COL4A2: variants seen among roughly 807,000 people sequenced by gnomAD.
The protein encoded by COL4A2 is collagen alpha-2(IV) chain.
Under a neutral mutation model 200.2 loss-of-function variants are expected in COL4A2, and 99 were observed. The observed-to-expected ratio is 0.49, with a 90% confidence interval of 0.42 to 0.58. The LOEUF (loss-of-function observed/expected upper bound fraction) is 0.58. Ranked by LOEUF, COL4A2 falls within the 20% of genes least tolerant of loss-of-function variation. The pLI is 0.00. For missense variants in COL4A2, 1,950 were observed against 2,314.1 expected, an observed-to-expected ratio of 0.84 and a Z score of 3.23; for synonymous variants, 897 against 900.6, an observed-to-expected ratio of 1.00 and a Z score of 0.07.
At position 110,446,810 on chromosome 13, in the gene COL4A2, G is replaced by C. The variant is rs756889937; in HGVS notation, c.1024G>C (p.Asp342His). ...TTTCTTTCTCTAGGGAGAAGCCGGAGACCCAGGGCCCCCTGGACTACCTGC... is the reference window on the plus strand; with the variant it reads ...TTTCTTTCTCTAGGGAGAAGCCGGACACCCAGGGCCCCCTGGACTACCTGC... ...GPRGPKGEAG[D>H]PGPPGLPAYS... The change falls in exon 18 of 48, where the codon GAC becomes CAC. Residue 342 changes from aspartate (D) to histidine (H), a missense_variant. Physicochemically the swap from Asp to His is moderately conservative, Grantham distance 81 (BLOSUM62 -1). Coordinates refer to ENST00000360467, the MANE Select transcript of COL4A2 (RefSeq NM_001846.4). 1.2e-6 allele frequency: 2 copies of C among 1,612,250 alleles called. No homozygotes were observed. The highest frequency in any genetic ancestry group is 1.7e-5 in the Admixed American group (1 of 59,984).
intron 40 of COL4A2, among the ~76,000 whole-genome samples, chr13:110,498,477 A>AG (rs954727325): frequency 1.3e-5 from 2 of 152,108 alleles, no homozygotes; most frequent in African/African-American, 2.4e-5. Flanking sequence ...TGGCCCATAG[A>AG]GGGGGGTCAC....
intron 3 of COL4A2, among the ~76,000 whole-genome samples, chr13:110,356,603 A>C (rs1877277357): frequency 6.6e-6 from 1 of 152,088 alleles, no homozygotes; most frequent in Non-Finnish European, 1.5e-5. Context: ...CATGCTCCAC[A>C]TGTCCAGGCA....
At chr13:110,361,554 C>T (rs775012024) in intron 4 of COL4A2, among the ~76,000 whole-genome samples, 5 of 152,186 alleles carry the variant, frequency 3.3e-5, no homozygotes, top group Non-Finnish European at 7.3e-5. Context: ...CAGCCAACAT[C>T]GGAAGTTGTA....
chr13:110,509,119 T>C (rs996437730), intron 47 of COL4A2, among the ~76,000 whole-genome samples: 2 of 151,712 alleles, frequency 1.3e-5, no homozygotes, highest in African/African-American at 4.8e-5. Flanking sequence ...CTGTATACTA[T>C]TGTAGGGAGA....
At chr13:110,426,125 C>T (rs1880463501) in intron 6 of COL4A2, among the ~76,000 whole-genome samples, 1 of 152,182 alleles carries the variant, frequency 6.6e-6, no homozygotes, top group African/African-American at 2.4e-5. Context: ...AAAGATTAAA[C>T]AAATTAGGAA....
intron 29 of COL4A2, 49 bp downstream of exon 29, chr13:110,473,199 G>A (rs1400282989): frequency 2.0e-6 from 3 of 1,519,170 alleles, no homozygotes; most frequent in Admixed American, 4.0e-5. Context: ...ATGCACAGTG[G>A]CCTCCAAGGG....
intron 12 of COL4A2, 36 bp from the exon 13 acceptor site, chr13:110,436,233 A>AT: frequency 6.2e-7 from 1 of 1,612,598 alleles, no homozygotes; most frequent in South Asian, 1.1e-5. Context: ...TTTCCTTTCG[A>AT]TTTAAAGACA....
intron 33 of COL4A2, among the ~76,000 whole-genome samples, 162 bp from the exon 34 acceptor site, chr13:110,485,493 A>G (rs934912909): frequency 1.5e-5 from 2 of 136,378 alleles, no homozygotes; most frequent in Admixed American, 1.6e-4. Flanking sequence ...ACTGCACTCC[A>G]GCCTGGGCGA....
At position 110,351,387 on chromosome 13, in the gene COL4A2, T is replaced by C. The variant is rs1876955350; in HGVS notation, c.100-6085T>C. On this transcript the variant is annotated intron_variant, in intron 3 of 47. Transcript: ENST00000360467. ...CCCGCACCCAGCCTTCTCTCCTGCT[T>C]CTTTGCTGCCTGTGGCTTTCTCTAC... Among the ~76,000 whole-genome samples the C allele has an allele frequency of 2.6e-5, 4 of 152,154 alleles. No individual in the cohort carries two copies. The South Asian group carries it at 8.3e-4, about 31-fold the overall frequency.
intron 4 of COL4A2, among the ~76,000 whole-genome samples, chr13:110,386,077 C>T (rs920251714): frequency 6.6e-6 from 1 of 152,080 alleles, no homozygotes; most frequent in African/African-American, 2.4e-5. Context: ...AGCATGGTTA[C>T]AGTGTTTAGA....
chr13:110,465,093 GT>G (rs1882182638), intron 24 of COL4A2, among the ~76,000 whole-genome samples: 1 of 152,236 alleles, frequency 6.6e-6, no homozygotes, highest in Admixed American at 6.5e-5. Flanking sequence ...ACAAAAGCCT[GT>G]GCCTTCGCTG....
intron 20 of COL4A2, among the ~76,000 whole-genome samples, chr13:110,451,108 A>G (rs1462425540): frequency 3.9e-5 from 6 of 152,240 alleles, no homozygotes; most frequent in Non-Finnish European, 5.9e-5. Context: ...TCCCTGAGTC[A>G]GCAAAGATGC....
At chr13:110,357,686 A>G in intron 4 of COL4A2, 134 bp downstream of exon 4, 1 of 1,326,396 alleles carries the variant, frequency 7.5e-7, no homozygotes. Context: ...GAGTACTCAC[A>G]CAAACCTAGA....
rs532636780 is a variant in COL4A2, at chr13:110,405,102, C to T, written c.181-19632C>T. Among the ~76,000 whole-genome samples the T allele has an allele frequency of 6.6e-5, 10 of 152,190 alleles. No individual in the cohort carries two copies. In the South Asian group the frequency reaches 2.1e-3, roughly 32 times the overall value. On this transcript the variant is annotated intron_variant, in intron 4 of 47. Transcript: ENST00000360467. ...TGCGTTCCAGCCTGGGTGACAGAGT[C>T]AGACACTGTCTCAAAATTAAACAAA... is the stretch of plus-strand genomic sequence containing the variant.
intron 3 of COL4A2, among the ~76,000 whole-genome samples, chr13:110,324,574 G>A (rs1284172901): frequency 1.3e-5 from 2 of 152,222 alleles, no homozygotes; most frequent in East Asian, 1.9e-4. Flanking sequence ...CTGCCCGAAC[G>A]GATGCACGTT....
intron 29 of COL4A2, among the ~76,000 whole-genome samples, chr13:110,474,160 A>T (rs927774712): frequency 1.3e-5 from 2 of 151,926 alleles, no homozygotes; most frequent in Non-Finnish European, 2.9e-5. Flanking sequence ...AATGTGGGTT[A>T]AAACTGTGAC....
At chr13:110,511,185 T>C (rs1013361014) in intron 47 of COL4A2, among the ~76,000 whole-genome samples, 1 of 151,488 alleles carries the variant, frequency 6.6e-6, no homozygotes, top group Non-Finnish European at 1.5e-5. Flanking sequence ...TGCCGTGCGC[T>C]TCCATAAAGG....
intron 4 of COL4A2, among the ~76,000 whole-genome samples, chr13:110,399,239 T>C (rs1329418837): frequency 6.6e-6 from 1 of 152,170 alleles, no homozygotes; most frequent in Non-Finnish European, 1.5e-5. Context: ...CTTGTCTAGA[T>C]CACCAAGGAG....
intron 3 of COL4A2, among the ~76,000 whole-genome samples, chr13:110,325,539 G>T (rs1885383998): frequency 6.6e-6 from 1 of 151,950 alleles, no homozygotes; most frequent in Non-Finnish European, 1.5e-5. Flanking sequence ...AAATCGTATT[G>T]GAAGATCAGT....
Sources: gnomAD v4.1 joint callset for allele counts (sites outside exome capture counted in the v4.1 genomes callset) on GRCh38, gnomAD v4.1.1 for gene constraint, MANE v1.5 for transcripts, NCBI Gene and HGNC (gene_info 2026-07-23, HGNC 2026-07-21) for gene names.